The following CIMIP2C variants were observed in gnomAD, a reference collection of about 807,000 sequenced individuals.
CIMIP2C encodes the protein ciliary microtubule inner protein 2C.
At chr2:26,573,969 A>G in the CIMIP2C span, among the ~76,000 whole-genome samples, 35 of 152,228 alleles carry the variant, frequency 2.3e-4, no homozygotes, top group African/African-American at 8.0e-4. Flanking sequence ...GTCAGCAGTC[A>G]CTCGGCTTCG....
the CIMIP2C span, among the ~76,000 whole-genome samples, chr2:26,564,525 G>A: frequency 6.6e-6 from 1 of 152,326 alleles, no homozygotes; most frequent in South Asian, 2.1e-4. Context: ...GCCCGTATCT[G>A]CTGCTTTCTC....
At chr2:26,569,408 G>C in the CIMIP2C span, among the ~76,000 whole-genome samples, 3 of 152,174 alleles carry the variant, frequency 2.0e-5, no homozygotes, top group Non-Finnish European at 4.4e-5. Context: ...GCTTGTGCTT[G>C]GTGTCACAGG....
chr2:26,562,772 T>C, the CIMIP2C span: 2 of 1,229,940 alleles, frequency 1.6e-6, no homozygotes, highest in Non-Finnish European at 2.3e-6. Flanking sequence ...CCCCCGGACT[T>C]TGGGGTTGAA....
the CIMIP2C span, among the ~76,000 whole-genome samples, chr2:26,571,002 T>C: frequency 6.6e-6 from 1 of 151,466 alleles, no homozygotes; most frequent in Non-Finnish European, 1.5e-5. Context: ...TAGGTGGAGG[T>C]TGGAGGGGGC....
the CIMIP2C span, among the ~76,000 whole-genome samples, chr2:26,564,536 A>G: frequency 2.0e-5 from 3 of 152,178 alleles, no homozygotes; most frequent in African/African-American, 7.2e-5. Flanking sequence ...CTGCTTTCTC[A>G]TCTAGATCTT....
At chr2:26,577,577 A>T in the CIMIP2C span, 2 of 1,614,064 alleles carry the variant, frequency 1.2e-6, no homozygotes, top group Non-Finnish European at 1.7e-6. Flanking sequence ...CGAGTCCCCT[A>T]CTTTGCGATG....
chr2:26,574,623 G>A, the CIMIP2C span, among the ~76,000 whole-genome samples: 5 of 152,248 alleles, frequency 3.3e-5, no homozygotes, highest in Admixed American at 6.5e-5. Context: ...AGGTGGCTAC[G>A]GCCATGGCAT....
chr2:26,562,767 G>T, the CIMIP2C span: 1 of 1,244,366 alleles, frequency 8.0e-7, no homozygotes, highest in East Asian at 2.6e-5. Context: ...CCCTGCCCCC[G>T]GACTTTGGGG....
At chr2:26,564,304 T>C in the CIMIP2C span, among the ~76,000 whole-genome samples, 6 of 152,226 alleles carry the variant, frequency 3.9e-5, no homozygotes, top group African/African-American at 1.4e-4. Context: ...CAAGGCCTGG[T>C]GCTCCTGCAA....
At chr2:26,566,118 C>A in the CIMIP2C span, among the ~76,000 whole-genome samples, 254 of 152,374 alleles carry the variant, frequency 1.7e-3, no homozygotes, top group African/African-American at 5.9e-3. Flanking sequence ...CCATGCCTCA[C>A]CGGCTCTCAG....
chr2:26,577,540 T>C, the CIMIP2C span: 1 of 1,614,120 alleles, frequency 6.2e-7, no homozygotes, highest in South Asian at 1.1e-5. Context: ...TCGGAAGTAC[T>C]ATCAAGACAA....
chr2:26,573,053 C>A, the CIMIP2C span, among the ~76,000 whole-genome samples: 1 of 152,204 alleles, frequency 6.6e-6, no homozygotes, highest in Non-Finnish European at 1.5e-5. Flanking sequence ...TTCATCAGTG[C>A]GAATGTTGCA....
chr2:26,568,045 C>T, the CIMIP2C span, among the ~76,000 whole-genome samples: 4 of 152,216 alleles, frequency 2.6e-5, no homozygotes, highest in African/African-American at 4.8e-5. Flanking sequence ...CCCCCGCCCC[C>T]AGGCTGAGAG....
At chr2:26,563,931 C>A in the CIMIP2C span, among the ~76,000 whole-genome samples, 1 of 152,194 alleles carries the variant, frequency 6.6e-6, no homozygotes, top group Non-Finnish European at 1.5e-5. Flanking sequence ...GGGTTCCCAT[C>A]AGACAAAGCT....
At chr2:26,577,155 G>T in the CIMIP2C span, among the ~76,000 whole-genome samples, 2 of 152,216 alleles carry the variant, frequency 1.3e-5, no homozygotes, top group African/African-American at 2.4e-5. Flanking sequence ...GGAAGGAGAG[G>T]GGGGAGGAAA....
At chr2:26,572,233 A>G in the CIMIP2C span, 1 of 1,359,330 alleles carries the variant, frequency 7.4e-7, no homozygotes, top group Non-Finnish European at 9.8e-7. Context: ...GTTTTATAAC[A>G]TTTACATTCC....
the CIMIP2C span, chr2:26,572,199 CTTAAA>C: frequency 8.3e-7 from 1 of 1,205,344 alleles, no homozygotes; most frequent in Non-Finnish European, 1.1e-6. Flanking sequence ...ATTTTGGTTG[CTTAAA>C]TTAGTTTTAC....
the CIMIP2C span, among the ~76,000 whole-genome samples, chr2:26,570,668 C>A: frequency 6.6e-6 from 1 of 152,202 alleles, no homozygotes; most frequent in African/African-American, 2.4e-5. Context: ...CATGCAAAGG[C>A]CCAGAGGCCT....
the CIMIP2C span, chr2:26,578,887 C>G: frequency 2.1e-6 from 1 of 472,318 alleles, no homozygotes. Context: ...CCCCTCCCTC[C>G]CGGAATCCCC....
Sources: gnomAD v4.1 joint callset for allele counts (sites outside exome capture counted in the v4.1 genomes callset) on GRCh38, gnomAD v4.1.1 for gene constraint, MANE v1.5 for transcripts, NCBI Gene and HGNC (gene_info 2026-07-23, HGNC 2026-07-21) for gene names.